Variants in FSTL5 observed in about 807,000 individuals in gnomAD.
The protein encoded by FSTL5 is follistatin-related protein 5.
Under a neutral mutation model 89.1 loss-of-function variants are expected in FSTL5, and 62 were observed. That is an observed-to-expected ratio of 0.70 (90% CI 0.57 to 0.86). FSTL5 has a LOEUF of 0.86. FSTL5 is among the 40% of genes least tolerant of loss of function. The pLI is 0.00. For missense variants in FSTL5, 1,057 were observed against 1,001.6 expected (o/e 1.06, Z -0.75); for synonymous variants, 383 against 346.2 (o/e 1.11, Z -1.18).
intron 2 of FSTL5, among the ~76,000 whole-genome samples, chr4:162,098,128 C>T (rs778733344): frequency 6.6e-6 from 1 of 151,916 alleles, no homozygotes; most frequent in Admixed American, 6.6e-5. Flanking sequence ...ATTCCTCTAA[C>T]TAGATATATA....
intron 3 of FSTL5, among the ~76,000 whole-genome samples, chr4:162,028,094 A>C (rs1044008238): frequency 6.6e-6 from 1 of 152,196 alleles, no homozygotes; most frequent in Non-Finnish European, 1.5e-5. Context: ...AAAACAACCA[A>C]GAAAATAAAT....
intron 4 of FSTL5, among the ~76,000 whole-genome samples, chr4:161,810,965 G>T (rs1304113870): frequency 6.6e-6 from 1 of 152,124 alleles, no homozygotes; most frequent in Non-Finnish European, 1.5e-5. Context: ...CTATGCGTCA[G>T]CCTCGCCTTA....
chr4:161,902,015 T>C (rs917950758), intron 4 of FSTL5, among the ~76,000 whole-genome samples: 3 of 152,154 alleles, frequency 2.0e-5, no homozygotes, highest in African/African-American at 7.2e-5. Flanking sequence ...TGTGGAACAT[T>C]TTAGTTTTCT....
intron 8 of FSTL5, among the ~76,000 whole-genome samples, chr4:161,582,248 G>A (rs1397069427): frequency 6.6e-6 from 1 of 152,158 alleles, no homozygotes; most frequent in Non-Finnish European, 1.5e-5. Flanking sequence ...TTGACAAATT[G>A]TTAAGATAAA....
chr4:162,087,866 TC>T (rs1275161494), intron 2 of FSTL5, among the ~76,000 whole-genome samples: 1 of 152,162 alleles, frequency 6.6e-6, no homozygotes, highest in Non-Finnish European at 1.5e-5. Context: ...TGAGATACAT[TC>T]AGTTGAGGTT....
intron 7 of FSTL5, among the ~76,000 whole-genome samples, chr4:161,603,794 C>T (rs1323285194): frequency 6.6e-6 from 1 of 151,980 alleles, no homozygotes; most frequent in Non-Finnish European, 1.5e-5. Context: ...TGTCAACGTA[C>T]CTGAAAAATA....
At chr4:161,720,700 C>T (rs980685174) in intron 6 of FSTL5, among the ~76,000 whole-genome samples, 1 of 152,062 alleles carries the variant, frequency 6.6e-6, no homozygotes, top group Non-Finnish European at 1.5e-5. Context: ...ATAAATAAAT[C>T]CCACCATTTG....
intron 4 of FSTL5, among the ~76,000 whole-genome samples, chr4:161,866,861 A>C (rs1048019504): frequency 6.6e-6 from 1 of 152,020 alleles, no homozygotes; most frequent in Non-Finnish European, 1.5e-5. Context: ...GAGGAAATAA[A>C]GAAATAAATG....
intron 3 of FSTL5, among the ~76,000 whole-genome samples, chr4:161,983,632 A>T (rs1735886036): frequency 6.6e-6 from 1 of 152,162 alleles, no homozygotes; most frequent in African/African-American, 2.4e-5. Context: ...AAGATCATGC[A>T]TTTCATGAAA....
chr4:161,771,613 T>C (rs1741213342), intron 5 of FSTL5, among the ~76,000 whole-genome samples: 1 of 152,134 alleles, frequency 6.6e-6, no homozygotes, highest in Non-Finnish European at 1.5e-5. Flanking sequence ...AAATATTATC[T>C]TTTGGTCTTG....
At chr4:161,595,041 T>C (rs969559362) in intron 7 of FSTL5, among the ~76,000 whole-genome samples, 2 of 148,202 alleles carry the variant, frequency 1.3e-5, no homozygotes, top group African/African-American at 2.6e-5. Context: ...ACTGCAGAAT[T>C]TAGCTGTTCT....
chr4:161,659,675 G>A (rs1441367260), intron 6 of FSTL5, among the ~76,000 whole-genome samples: 2 of 151,978 alleles, frequency 1.3e-5, no homozygotes, highest in Admixed American at 6.6e-5. Context: ...ATTTAAAAAC[G>A]ATTTTTATAT....
intron 3 of FSTL5, among the ~76,000 whole-genome samples, chr4:161,975,540 G>A (rs971902654): frequency 2.7e-5 from 4 of 148,374 alleles, no homozygotes; most frequent in African/African-American, 7.4e-5. Context: ...ACTCATAGGT[G>A]GGAATTGAAC....
rs970932910 is a variant in FSTL5 at position 161,606,061 on chromosome 4, C to A, written c.895-18486G>T. ...TAGCTTACTGGAAGATGAGACACCA[C>A]GTGGAGTACAGCGAAGGTATCTCAG... is the stretch of plus-strand genomic sequence containing the variant. On this transcript the variant is annotated intron_variant, in intron 7 of 15. Transcript: ENST00000306100. 5.8e-4 allele frequency among the ~76,000 whole-genome samples: 86 copies of A among 149,326 alleles called. 2 individuals are homozygous for A. Among genetic ancestry groups the A allele is most frequent in the East Asian group, 7.8e-4 (4 of 5,158 alleles).
chr4:161,774,754 A>T (rs1303593464), intron 5 of FSTL5, among the ~76,000 whole-genome samples: 2 of 140,988 alleles, frequency 1.4e-5, no homozygotes, highest in African/African-American at 6.3e-5. Context: ...AATTTATTTT[A>T]ATTTAATTAA....
At chr4:161,558,023 T>C (rs562654028) in intron 8 of FSTL5, among the ~76,000 whole-genome samples, 12 of 151,958 alleles carry the variant, frequency 7.9e-5, no homozygotes, top group Non-Finnish European at 1.3e-4. Context: ...CAAACTCTTT[T>C]ACGTACATAC....
At chr4:161,464,029 G>T (rs1733666920) in intron 13 of FSTL5, among the ~76,000 whole-genome samples, 1 of 151,960 alleles carries the variant, frequency 6.6e-6, no homozygotes. Context: ...GGCAAGTCAT[G>T]ACAGTAATCA....
chr4:162,053,134 T>C (rs1738436218), intron 2 of FSTL5, among the ~76,000 whole-genome samples: 2 of 151,710 alleles, frequency 1.3e-5, no homozygotes, highest in African/African-American at 4.8e-5. Flanking sequence ...GAGATATAGA[T>C]TGATACACAT....
chr4:162,055,525 TGATAGATAGATAGATA>T (rs67961016), intron 2 of FSTL5, among the ~76,000 whole-genome samples: 10 of 148,664 alleles, frequency 6.7e-5, no homozygotes, highest in East Asian at 6.0e-4. Flanking sequence ...AGATAGAGGA[TGATAGATAGATAGATA>T]GATAGATAGA....
Sources: allele counts gnomAD v4.1 joint callset (sites outside exome capture counted in the v4.1 genomes callset), GRCh38; gene constraint gnomAD v4.1.1; transcripts MANE v1.5; gene names NCBI Gene and HGNC (gene_info 2026-07-23, HGNC 2026-07-21).